The following KIAA1328 variants were observed in gnomAD, a reference collection of about 807,000 sequenced individuals.
KIAA1328 encodes KIAA1328.
In KIAA1328, 52 loss-of-function variants were observed where a neutral mutation model predicts 68.1. That is an observed-to-expected ratio of 0.76 (90% CI 0.61 to 0.96). The LOEUF (loss-of-function observed/expected upper bound fraction) is 0.96. KIAA1328 is among the 40% of genes least tolerant of loss of function. The pLI is 0.00. For synonymous variants in KIAA1328, 232 were observed against 239.4 expected (o/e 0.97, Z 0.28); for missense variants, 641 against 677.6 (o/e 0.95, Z 0.60).
chr18:37,102,634 G>T (rs1490038115), intron 7 of KIAA1328, among the ~76,000 whole-genome samples: 1 of 152,046 alleles, frequency 6.6e-6, no homozygotes, highest in African/African-American at 2.4e-5. Flanking sequence ...CACCAAATGG[G>T]GAAAAGCTGA....
chr18:37,204,731 A>G (rs2060183432), intron 9 of KIAA1328, among the ~76,000 whole-genome samples: 1 of 149,896 alleles, frequency 6.7e-6, no homozygotes, highest in South Asian at 2.1e-4. Flanking sequence ...AAGCAGAGAG[A>G]CCAAACACAT....
At chr18:37,098,752 G>T (rs980534717) in intron 7 of KIAA1328, among the ~76,000 whole-genome samples, 3 of 152,068 alleles carry the variant, frequency 2.0e-5, no homozygotes, top group South Asian at 2.1e-4. Context: ...TAATTTCAGA[G>T]CCTGTTATTT....
chr18:36,991,445 A>G (rs572043990), intron 6 of KIAA1328, among the ~76,000 whole-genome samples: 2 of 152,360 alleles, frequency 1.3e-5, no homozygotes, highest in African/African-American at 4.8e-5. Context: ...TGGTAGTTGT[A>G]TGCTAACAAA....
intron 9 of KIAA1328, among the ~76,000 whole-genome samples, chr18:37,197,368 A>G (rs1032638076): frequency 5.3e-5 from 8 of 152,108 alleles, no homozygotes; most frequent in Non-Finnish European, 1.0e-4. Flanking sequence ...AGCAACATGA[A>G]CAATGGAAAG....
At chr18:37,074,359 T>G (rs1406139957) in intron 7 of KIAA1328, among the ~76,000 whole-genome samples, 4 of 152,210 alleles carry the variant, frequency 2.6e-5, no homozygotes, top group African/African-American at 4.8e-5. Context: ...TCAAGTATAA[T>G]GTCTAAGATT....
chr18:37,103,798 G>A (rs1387682101), intron 7 of KIAA1328, among the ~76,000 whole-genome samples: 1 of 118,250 alleles, frequency 8.5e-6, no homozygotes, highest in Non-Finnish European at 1.7e-5. Context: ...TAGTTCAATA[G>A]CAAATACACA....
chr18:36,898,273 A>G (rs1007419622), intron 5 of KIAA1328, among the ~76,000 whole-genome samples: 1 of 151,982 alleles, frequency 6.6e-6, no homozygotes, highest in African/African-American at 2.4e-5. Context: ...AAAAGTAACT[A>G]GCTTTCTGGT....
At position 37,066,378 on chromosome 18, in the gene KIAA1328, G is replaced by T. The variant is rs184483037; in HGVS notation, c.577-512G>T. Among the ~76,000 whole-genome samples, 23 of 152,282 alleles carry T rather than the reference G, an allele frequency of 1.5e-4. 1 individual carries two copies. The East Asian group carries it at 4.4e-3, about 29-fold the overall frequency. ...TTGTTGAAAGTGGTTGGTTTTATCT[G>T]TGTTCTGTAAAGATAGTTATAAAAC... On this transcript the variant is annotated intron_variant, in intron 6 of 9. Coordinates refer to ENST00000280020, the MANE Select transcript of KIAA1328 (RefSeq NM_020776.3).
At chr18:36,956,497 C>T (rs545634444) in intron 5 of KIAA1328, among the ~76,000 whole-genome samples, 45 of 150,482 alleles carry the variant, frequency 3.0e-4, no homozygotes, top group African/African-American at 1.1e-3. Context: ...AAATCTTTCT[C>T]TCCAGATGGA....
At chr18:37,157,234 T>C (rs763450077) in intron 7 of KIAA1328, among the ~76,000 whole-genome samples, 4 of 152,106 alleles carry the variant, frequency 2.6e-5, no homozygotes, top group African/African-American at 4.8e-5. Flanking sequence ...GAGGAGATGG[T>C]AATGGAAGGG....
chr18:37,029,750 G>A (rs2054747638), intron 6 of KIAA1328, among the ~76,000 whole-genome samples: 1 of 152,060 alleles, frequency 6.6e-6, no homozygotes, highest in Non-Finnish European at 1.5e-5. Flanking sequence ...TAAATCTGCT[G>A]GAAACTGTTT....
In KIAA1328 at chr18:36,832,277, G is replaced by A. The variant is rs370323574; in HGVS notation, c.59-2043G>A. 3.6e-4 allele frequency among the ~76,000 whole-genome samples: 55 copies of A among 152,234 alleles called. 1 individual carries two copies. The East Asian group carries it at 5.8e-3, about 16-fold the overall frequency. On this transcript the variant is annotated intron_variant, in intron 1 of 9. Coordinates refer to ENST00000280020, the MANE Select transcript of KIAA1328 (RefSeq NM_020776.3). Reference sequence around the variant, plus strand: ...TATATTTGAAAATAAATTTGTCATGGATGTAGCTGAAAGTAAAAGGTTTTG... The same window carrying A: ...TATATTTGAAAATAAATTTGTCATGAATGTAGCTGAAAGTAAAAGGTTTTG...
At chr18:37,043,219 T>C (rs754555648) in intron 6 of KIAA1328, among the ~76,000 whole-genome samples, 2 of 152,224 alleles carry the variant, frequency 1.3e-5, no homozygotes, top group Non-Finnish European at 2.9e-5. Flanking sequence ...AGTTTTTCTT[T>C]ACAAGTCCAA....
At position 37,224,759 on chromosome 18, in the gene KIAA1328, C is replaced by T; in HGVS notation, c.*2532C>T. The T allele has an allele frequency of 3.0e-6, 3 of 985,434 alleles. No homozygotes were observed. Among genetic ancestry groups the T allele is most frequent in the Non-Finnish European group, 3.6e-6 (3 of 829,936 alleles). The allele number at this position is 985,434 out of a possible 1,614,324, so 61.0% of individuals were successfully genotyped here. On this transcript the variant is annotated 3_prime_UTR_variant, in exon 10 of 10. Coordinates refer to ENST00000280020, the MANE Select transcript of KIAA1328 (RefSeq NM_020776.3). The stretch of plus-strand genomic sequence containing the variant: ...GGGATTTGCTCGTCCAGCCTCTAGA[C>T]ACTTCCCAAAGCAAGACTGGACACA...
At chr18:37,201,237 G>C (rs1015168032) in intron 9 of KIAA1328, among the ~76,000 whole-genome samples, 24 of 152,186 alleles carry the variant, frequency 1.6e-4, no homozygotes, top group Admixed American at 1.6e-3. Context: ...AATGGTAGAA[G>C]TACATTGCAC....
chr18:36,845,180 T>C (rs149079048), intron 4 of KIAA1328, among the ~76,000 whole-genome samples: 1 of 151,888 alleles, frequency 6.6e-6, no homozygotes, highest in Non-Finnish European at 1.5e-5. Flanking sequence ...GGTGTGAGAA[T>C]TCAAAGTACA....
chr18:36,970,313 A>C (rs2052135006), intron 6 of KIAA1328, among the ~76,000 whole-genome samples: 1 of 152,228 alleles, frequency 6.6e-6, no homozygotes, highest in Non-Finnish European at 1.5e-5. Flanking sequence ...TCTCAAAATA[A>C]TAAGAGCTAT....
chr18:36,967,304 T>C (rs1231701671), intron 6 of KIAA1328, among the ~76,000 whole-genome samples: 9 of 151,998 alleles, frequency 5.9e-5, no homozygotes, highest in African/African-American at 2.2e-4. Context: ...AGCAAGAAAA[T>C]AAGGATTTAA....
intron 6 of KIAA1328, among the ~76,000 whole-genome samples, chr18:36,978,796 C>A (rs1304415023): frequency 6.6e-6 from 1 of 152,112 alleles, no homozygotes; most frequent in African/African-American, 2.4e-5. Context: ...GATTGTAGTC[C>A]CATAGTTGCA....
Sources: allele counts gnomAD v4.1 joint callset (sites outside exome capture counted in the v4.1 genomes callset), GRCh38; gene constraint gnomAD v4.1.1; transcripts MANE v1.5; gene names NCBI Gene and HGNC (gene_info 2026-07-23, HGNC 2026-07-21).